Variants in SCAMP1 observed in about 807,000 individuals in gnomAD.
SCAMP1 encodes the protein secretory carrier-associated membrane protein 1.
A neutral mutation model predicts 41.8 loss-of-function variants in SCAMP1; 15 were observed. The ratio of observed to expected loss-of-function variants is 0.36; its 90% confidence interval spans 0.24 to 0.55. The LOEUF (loss-of-function observed/expected upper bound fraction) is 0.55, where lower values mean the gene tolerates loss of function less well. SCAMP1 is among the 20% of genes least tolerant of loss of function. SCAMP1 has a pLI of 0.86. For synonymous variants in SCAMP1, 135 were observed against 136.8 expected, an observed-to-expected ratio of 0.99 and a Z score of 0.09; for missense variants, 341 against 412.6, an observed-to-expected ratio of 0.83 and a Z score of 1.50.
chr5:78,426,085 G>T (rs1404278279), intron 6 of SCAMP1, among the ~76,000 whole-genome samples: 1 of 152,012 alleles, frequency 6.6e-6, no homozygotes, highest in Non-Finnish European at 1.5e-5. Flanking sequence ...GAGAATGATG[G>T]CTTCCAGATT....
At chr5:78,452,240 T>C (rs1246408245) in intron 7 of SCAMP1, among the ~76,000 whole-genome samples, 9 of 151,120 alleles carry the variant, frequency 6.0e-5, no homozygotes, top group African/African-American at 2.2e-4. Flanking sequence ...TTGTGCAGGT[T>C]AGTTACATAT....
At chr5:78,384,179 T>TTG (rs1751283734) in intron 1 of SCAMP1, among the ~76,000 whole-genome samples, 1 of 67,032 alleles carries the variant, frequency 1.5e-5, no homozygotes, top group South Asian at 4.3e-4. Flanking sequence ...AAGTTTTTTT[T>TTG]CTTTTTTTTT....
At chr5:78,386,076 G>C (rs567833180) in intron 1 of SCAMP1, among the ~76,000 whole-genome samples, 1 of 152,080 alleles carries the variant, frequency 6.6e-6, no homozygotes, top group African/African-American at 2.4e-5. Context: ...CTATTATTGT[G>C]TTGCTGTCTA....
chr5:78,462,107 C>A (rs1487316833), intron 8 of SCAMP1, among the ~76,000 whole-genome samples: 3 of 151,792 alleles, frequency 2.0e-5, no homozygotes, highest in Non-Finnish European at 2.9e-5. Flanking sequence ...TTCTTTGTGT[C>A]ATGTGTGATT....
At chr5:78,443,938 C>T (rs1161644018) in intron 6 of SCAMP1, among the ~76,000 whole-genome samples, 1 of 152,060 alleles carries the variant, frequency 6.6e-6, no homozygotes, top group Admixed American at 6.6e-5. Context: ...TTACAAGCGT[C>T]AACCATTGTG....
chr5:78,454,698 A>T (rs1380701037), intron 7 of SCAMP1, among the ~76,000 whole-genome samples: 1 of 152,184 alleles, frequency 6.6e-6, no homozygotes, highest in African/African-American at 2.4e-5. Context: ...CTGGCCTCAT[A>T]AAATGACTTA....
At chr5:78,382,113 G>A (rs917062921) in intron 1 of SCAMP1, among the ~76,000 whole-genome samples, 1 of 152,142 alleles carries the variant, frequency 6.6e-6, no homozygotes, top group Admixed American at 6.5e-5. Flanking sequence ...AGAAATACAG[G>A]TTTTCAGACC....
At chr5:78,458,934 T>TA (rs1296788801) in intron 7 of SCAMP1, among the ~76,000 whole-genome samples, 1 of 152,166 alleles carries the variant, frequency 6.6e-6, no homozygotes, top group Non-Finnish European at 1.5e-5. Context: ...ATGTACAGCT[T>TA]AAAAAATGTA....
chr5:78,396,102 T>C (rs1751643310), intron 2 of SCAMP1, among the ~76,000 whole-genome samples: 1 of 152,110 alleles, frequency 6.6e-6, no homozygotes, highest in Admixed American at 6.6e-5. Flanking sequence ...AGAATACCTA[T>C]CCCTCCCTAT....
intron 6 of SCAMP1, among the ~76,000 whole-genome samples, chr5:78,441,214 T>A (rs1358769088): frequency 6.6e-6 from 1 of 152,182 alleles, no homozygotes; most frequent in African/African-American, 2.4e-5. Context: ...GCACCCACTG[T>A]CCAACCAGTC....
rs376931041 is a variant in SCAMP1 at position 78,389,285 on chromosome 5, A to T, written c.135+371A>T. Among the ~76,000 whole-genome samples the T allele has an allele frequency of 7.9e-4, 120 of 152,276 alleles. 2 individuals are homozygous for T. The South Asian group carries it at 0.024, about 31-fold the overall frequency. ...TTTTTTTTACGTGGAAACTGTGTAG[A>T]ACTGTACCATGAATGTTTGTATGAT... is the stretch of plus-strand genomic sequence containing the variant. On this transcript the variant is annotated intron_variant, in intron 2 of 8. Transcript: ENST00000621999.
chr5:78,476,508 A>G lies in SCAMP1; in HGVS notation c.*840A>G, dbSNP rs1179481677. 6.6e-6 allele frequency: 1 copy of G among 152,606 alleles called. No individual in the cohort carries two copies. The highest frequency in any genetic ancestry group is 2.4e-5 in the African/African-American group (1 of 41,458). The allele number at this position is 152,606 out of a possible 1,614,324, so 9.5% of individuals were successfully genotyped here. ...TTTTTAAAAAAATTTCGGTAGTCAT[A>G]TAGTAACATTTTGCTATATGAAAAC... On this transcript the variant is annotated 3_prime_UTR_variant, in exon 9 of 9. Coordinates refer to ENST00000621999, the MANE Select transcript of SCAMP1 (RefSeq NM_004866.6).
intron 1 of SCAMP1, 172 bp downstream of exon 1, chr5:78,360,900 T>A: frequency 1.6e-6 from 1 of 627,722 alleles, no homozygotes; most frequent in Non-Finnish European, 2.8e-6. Context: ...GTGTCACTCC[T>A]TTGGGTTTTG....
At chr5:78,367,533 G>C (rs933582144) in intron 1 of SCAMP1, among the ~76,000 whole-genome samples, 3 of 152,164 alleles carry the variant, frequency 2.0e-5, no homozygotes, top group Non-Finnish European at 4.4e-5. Flanking sequence ...AGTAGCAGCA[G>C]TGCTCCCAGA....
At chr5:78,465,135 T>G (rs1401720460) in intron 8 of SCAMP1, among the ~76,000 whole-genome samples, 1 of 152,254 alleles carries the variant, frequency 6.6e-6, no homozygotes, top group Non-Finnish European at 1.5e-5. Flanking sequence ...CATTCTCTGT[T>G]TTCTTGGGGA....
chr5:78,452,185 C>CTT (rs201442758), intron 7 of SCAMP1, among the ~76,000 whole-genome samples: 16 of 145,984 alleles, frequency 1.1e-4, no homozygotes, highest in African/African-American at 4.0e-4. Context: ...GTTTTCTTTT[C>CTT]TTTTTTTTTT....
chr5:78,450,704 T>C (rs1027028543), intron 7 of SCAMP1, among the ~76,000 whole-genome samples: 1 of 152,220 alleles, frequency 6.6e-6, no homozygotes, highest in African/African-American at 2.4e-5. Flanking sequence ...CTTTCTTTTA[T>C]ACTGACTTGC....
At chr5:78,410,597 C>T (rs896797468) in intron 2 of SCAMP1, among the ~76,000 whole-genome samples, 1 of 152,122 alleles carries the variant, frequency 6.6e-6, no homozygotes, top group Non-Finnish European at 1.5e-5. Context: ...AATAGTGCTG[C>T]AGTAAACATA....
chr5:78,383,969 A>G (rs1751276048), intron 1 of SCAMP1, among the ~76,000 whole-genome samples: 1 of 152,174 alleles, frequency 6.6e-6, no homozygotes, highest in Non-Finnish European at 1.5e-5. Flanking sequence ...TCTGTGAAGA[A>G]TGATGATGGT....
Sources: allele counts gnomAD v4.1 joint callset (sites outside exome capture counted in the v4.1 genomes callset), GRCh38; gene constraint gnomAD v4.1.1; transcripts MANE v1.5; gene names NCBI Gene and HGNC (gene_info 2026-07-23, HGNC 2026-07-21).